TMPRSS4: variants seen among roughly 807,000 people sequenced by gnomAD.
TMPRSS4 encodes transmembrane serine protease 4.
In TMPRSS4, 45 loss-of-function variants were observed where a neutral mutation model predicts 56.4. That is an observed-to-expected ratio of 0.80 (90% confidence interval 0.63 to 1.02). TMPRSS4 has a LOEUF of 1.02. TMPRSS4 is among the 50% of genes least tolerant of loss of function. TMPRSS4 has a pLI of 0.00. For synonymous variants in TMPRSS4, 205 were observed against 211.0 expected (o/e 0.97, Z 0.25); for missense variants, 546 against 556.7 (o/e 0.98, Z 0.19).
At chr11:118,098,635 G>A (rs979441721) in intron 2 of TMPRSS4, among the ~76,000 whole-genome samples, 1 of 152,194 alleles carries the variant, frequency 6.6e-6, no homozygotes. Context: ...ACAGTGAATG[G>A]GTACGTGCCC....
chr11:118,114,777 T>C, intron 9 of TMPRSS4, 52 bp from the exon 10 acceptor site: 7 of 1,503,804 alleles, frequency 4.7e-6, no homozygotes, highest in South Asian at 3.6e-5. Flanking sequence ...TTACAGAAAA[T>C]TAACACTTAT....
intron 3 of TMPRSS4, 88 bp from the exon 4 acceptor site, chr11:118,103,013 C>T (rs1674839998): frequency 1.3e-6 from 2 of 1,538,368 alleles, no homozygotes; most frequent in Non-Finnish European, 1.8e-6. Context: ...TGTCTGAGAG[C>T]CCAGCACTAT....
At chr11:118,112,651 C>A (rs1264198342) in intron 8 of TMPRSS4, among the ~76,000 whole-genome samples, 1 of 151,948 alleles carries the variant, frequency 6.6e-6, no homozygotes, top group African/African-American at 2.4e-5. Context: ...CCTCAGCCTC[C>A]CAAACTGCTG....
chr11:118,094,089 T>C (rs1402259921), intron 1 of TMPRSS4, among the ~76,000 whole-genome samples: 1 of 152,270 alleles, frequency 6.6e-6, no homozygotes, highest in Non-Finnish European at 1.5e-5. Flanking sequence ...ATGAAGCGAC[T>C]ATAAACTTTC....
At chr11:118,117,534 T>C in intron 12 of TMPRSS4, 80 bp downstream of exon 12, 1 of 1,534,230 alleles carries the variant, frequency 6.5e-7, no homozygotes, top group Non-Finnish European at 8.8e-7. Context: ...TCAGGTTTGA[T>C]TTAAATGGTT....
At chr11:118,107,718 C>T in intron 5 of TMPRSS4, 56 bp from the exon 6 acceptor site, 4 of 1,501,652 alleles carry the variant, frequency 2.7e-6, no homozygotes, top group Non-Finnish European at 3.7e-6. Context: ...ACTCTACCAT[C>T]TTGTTCTAAC....
At chr11:118,083,024 C>A (rs1945273619) in intron 1 of TMPRSS4, among the ~76,000 whole-genome samples, 1 of 152,118 alleles carries the variant, frequency 6.6e-6, no homozygotes, top group South Asian at 2.1e-4. Context: ...CTGTCCCCCA[C>A]CCCCGCCACT....
chr11:118,089,196 C>T (rs1945790495), intron 1 of TMPRSS4, among the ~76,000 whole-genome samples: 1 of 152,180 alleles, frequency 6.6e-6, no homozygotes, highest in African/African-American at 2.4e-5. Context: ...TACTCGTGAC[C>T]TTCTGCAGCT....
At position 118,120,229 on chromosome 11, in the gene TMPRSS4, G is replaced by A. The variant is rs1947748738; in HGVS notation, c.*2316G>A. The A allele has an allele frequency of 6.6e-6, 1 of 152,142 alleles. No individual in the cohort carries two copies. The highest frequency in any genetic ancestry group is 1.5e-5 in the Non-Finnish European group (1 of 68,018). 9.4% of individuals were successfully genotyped at this position (152,142 alleles called of 1,614,324 possible). On this transcript the variant is annotated 3_prime_UTR_variant, in exon 13 of 13. Coordinates refer to ENST00000437212, the MANE Select transcript of TMPRSS4 (RefSeq NM_019894.4). ...ATTCTATTGTTTATACGAACATTCA[G>A]GTTACTTCTATCTTTTGGCTATTGT...
intron 12 of TMPRSS4, 48 bp downstream of exon 12, chr11:118,117,502 C>A: frequency 7.0e-6 from 11 of 1,572,296 alleles, no homozygotes; most frequent in Non-Finnish European, 9.5e-6. Context: ...CAGTCCTCTA[C>A]CTGGGGGGTG....
chr11:118,099,207 AC>A, intron 3 of TMPRSS4, 109 bp downstream of exon 3: 1 of 660,252 alleles, frequency 1.5e-6, no homozygotes, highest in Non-Finnish European at 2.3e-6. Context: ...CCCTGCCCTC[AC>A]CCCCTCAGTA....
downstream of TMPRSS4, chr11:118,125,363 G>A (rs760143577): frequency 8.8e-6 from 4 of 455,932 alleles, no homozygotes; most frequent in Admixed American, 2.4e-5. Flanking sequence ...CAGCTGTACC[G>A]CTGATGGAGC....
Position 118,115,134 on chromosome 11 carries a change from C to G in TMPRSS4, c.1010-4C>G. 1.2e-6 allele frequency: 2 copies of G among 1,608,980 alleles called. No individual in the cohort carries two copies. Among genetic ancestry groups the G allele is most frequent in the Middle Eastern group, 1.7e-4 (1 of 6,060 alleles). ...TGGGAATGTGAGTGTTTTTACCCTC[C>G]CAGGGAAGATGTCTGACATACTGCT... On this transcript the variant is annotated splice_region_variant and splice_polypyrimidine_tract_variant and intron_variant, in intron 10 of 12. Transcript: ENST00000437212.
chr11:118,101,502 G>T (rs1036049787), intron 3 of TMPRSS4, among the ~76,000 whole-genome samples: 3 of 152,060 alleles, frequency 2.0e-5, no homozygotes, highest in African/African-American at 7.2e-5. Context: ...TTGAGACAAG[G>T]TCTTGCTCTC....
chr11:118,099,584 C>G (rs1270719764), intron 3 of TMPRSS4, among the ~76,000 whole-genome samples: 1 of 152,184 alleles, frequency 6.6e-6, no homozygotes, highest in Non-Finnish European at 1.5e-5. Flanking sequence ...CTGTTCCAGA[C>G]GGCTTCTATC....
At chr11:118,098,304 C>A (rs1331433074) in intron 2 of TMPRSS4, among the ~76,000 whole-genome samples, 2 of 152,166 alleles carry the variant, frequency 1.3e-5, no homozygotes, top group Non-Finnish European at 2.9e-5. Context: ...GCCAGTGCCT[C>A]CCTCCCAAAC....
intron 1 of TMPRSS4, 95 bp from the exon 2 acceptor site, chr11:118,094,721 A>T: frequency 9.1e-7 from 1 of 1,100,038 alleles, no homozygotes; most frequent in Non-Finnish European, 1.4e-6. Context: ...ACTCAGGGAG[A>T]AGGGAATGTA....
intron 6 of TMPRSS4, chr11:118,108,490 C>G: frequency 4.1e-6 from 1 of 242,630 alleles, no homozygotes; most frequent in Non-Finnish European, 7.9e-6. Flanking sequence ...GCAGAATGAT[C>G]CTTTACCTAA....
Position 118,108,899 on chromosome 11 carries a change from G to A in TMPRSS4, c.583+3G>A, listed in dbSNP as rs116985582. 1,833 of 1,613,938 alleles carry A rather than the reference G, an allele frequency of 1.1e-3. 1 individual carries two copies. The highest frequency in any genetic ancestry group is 1.4e-3 in the Non-Finnish European group (1,657 of 1,179,888). ...CCTGGTCTCCCTGCACTGTCTTGGT[G>A]AGTACCCCCAATCTCTGAGGGTTTG... On this transcript the variant is annotated splice_donor_region_variant and intron_variant, in intron 7 of 12. Transcript: ENST00000437212.
Sources: allele counts gnomAD v4.1 joint callset (sites outside exome capture counted in the v4.1 genomes callset), GRCh38; gene constraint gnomAD v4.1.1; transcripts MANE v1.5; gene names NCBI Gene and HGNC (gene_info 2026-07-23, HGNC 2026-07-21).